Variants in CEP85L observed in about 807,000 individuals in gnomAD.
CEP85L encodes centrosomal protein of 85 kDa-like.
A neutral mutation model predicts 100.3 loss-of-function variants in CEP85L; 60 were observed. The ratio of observed to expected loss-of-function variants is 0.60; its 90% confidence interval spans 0.49 to 0.74. The LOEUF (loss-of-function observed/expected upper bound fraction) is 0.74, where lower values mean the gene tolerates loss of function less well. CEP85L is among the 30% of genes least tolerant of loss of function. CEP85L has a pLI of 0.00. For missense variants in CEP85L, 973 were observed against 936.2 expected (o/e 1.04, Z -0.51); for synonymous variants, 319 against 322.7 (o/e 0.99, Z 0.12).
At chr6:118,500,074 G>A (rs1475011499) in intron 5 of CEP85L, among the ~76,000 whole-genome samples, 1 of 152,170 alleles carries the variant, frequency 6.6e-6, no homozygotes, top group Non-Finnish European at 1.5e-5. Flanking sequence ...GCCAAGGCAG[G>A]AGGATCACTT....
chr6:118,485,131 A>T (rs912201533), intron 6 of CEP85L, among the ~76,000 whole-genome samples: 5 of 152,176 alleles, frequency 3.3e-5, no homozygotes, highest in Admixed American at 2.6e-4. Flanking sequence ...GAAATATATC[A>T]TCTATAAATT....
intron 2 of CEP85L, among the ~76,000 whole-genome samples, chr6:118,574,705 T>C (rs1780114046): frequency 6.6e-6 from 1 of 152,150 alleles, no homozygotes; most frequent in South Asian, 2.1e-4. Flanking sequence ...ACAAGGTAAC[T>C]CTGTGCACAG....
At chr6:118,499,436 C>T (rs541519503) in intron 5 of CEP85L, among the ~76,000 whole-genome samples, 196 of 152,126 alleles carry the variant, frequency 1.3e-3, no homozygotes, top group African/African-American at 4.5e-3. Context: ...GAGGCTGAGG[C>T]GGGTGGATCA....
In CEP85L at chr6:118,560,260, A is replaced by G. The variant is rs540046916; in HGVS notation, c.1020+5269T>C. 9 of 167,188 alleles carry G rather than the reference A, an allele frequency of 5.4e-5. No individual in the cohort carries two copies. The highest frequency in any genetic ancestry group is 8.8e-5 in the Non-Finnish European group (6 of 68,102). The allele number at this position is 167,188 out of a possible 1,614,324, so 10.4% of individuals were successfully genotyped here. A position where few individuals can be genotyped will look rare whatever the true frequency, so the allele number is the denominator to read the frequency against. On this transcript the variant is annotated intron_variant, in intron 3 of 12. Coordinates refer to ENST00000368491, the MANE Select transcript of CEP85L (RefSeq NM_001042475.3). ...ACTACCTAATAGCCTACTATTGACC[A>G]TAAACCTTACTGATAACATAAACAG...
At chr6:118,488,862 C>A (rs1193133992) in intron 6 of CEP85L, among the ~76,000 whole-genome samples, 3 of 152,220 alleles carry the variant, frequency 2.0e-5, no homozygotes. Flanking sequence ...GAGCAGATTT[C>A]TCAGAAGAAA....
chr6:118,510,925 A>C (rs1775928500), intron 5 of CEP85L, among the ~76,000 whole-genome samples: 1 of 152,076 alleles, frequency 6.6e-6, no homozygotes, highest in Non-Finnish European at 1.5e-5. Flanking sequence ...ATAGAGAAAT[A>C]ATCACTGTGT....
At chr6:118,554,952 C>T (rs1423397670) in intron 3 of CEP85L, among the ~76,000 whole-genome samples, 1 of 152,184 alleles carries the variant, frequency 6.6e-6, no homozygotes, top group East Asian at 1.9e-4. Flanking sequence ...CCTGTATATG[C>T]TTCATGATAA....
At chr6:118,491,895 C>T in intron 5 of CEP85L, 30 bp from the exon 6 acceptor site, 1 of 1,536,396 alleles carries the variant, frequency 6.5e-7, no homozygotes. Context: ...GGAGGTAAGA[C>T]TTTAAAAGTT....
intron 1 of CEP85L, among the ~76,000 whole-genome samples, chr6:118,649,992 G>C (rs1775436513): frequency 6.6e-6 from 1 of 152,148 alleles, no homozygotes; most frequent in Non-Finnish European, 1.5e-5. Flanking sequence ...TGATACTAGT[G>C]ACTCGGTCAG....
At chr6:118,553,443 G>C (rs1174187609) in intron 3 of CEP85L, among the ~76,000 whole-genome samples, 1 of 152,100 alleles carries the variant, frequency 6.6e-6, no homozygotes, top group Non-Finnish European at 1.5e-5. Context: ...ACAAATGTTG[G>C]TATTCAGTAG....
At chr6:118,584,614 C>T (rs774108988) in intron 2 of CEP85L, among the ~76,000 whole-genome samples, 3 of 152,138 alleles carry the variant, frequency 2.0e-5, no homozygotes, top group Non-Finnish European at 2.9e-5. Flanking sequence ...GGGAATGGCC[C>T]TGGGAGTATT....
intron 5 of CEP85L, among the ~76,000 whole-genome samples, chr6:118,497,297 A>C (rs1194376698): frequency 6.6e-6 from 1 of 152,148 alleles, no homozygotes; most frequent in Non-Finnish European, 1.5e-5. Flanking sequence ...CCAACATCAT[A>C]TCTTTGTGAA....
chr6:118,590,494 C>T (rs1781124224), intron 2 of CEP85L, among the ~76,000 whole-genome samples: 1 of 152,166 alleles, frequency 6.6e-6, no homozygotes, highest in African/African-American at 2.4e-5. Context: ...TAGCCCCCTG[C>T]ATTTGCATAC....
intron 1 of CEP85L, among the ~76,000 whole-genome samples, chr6:118,668,330 C>G (rs1208154510): frequency 1.3e-5 from 2 of 152,178 alleles, no homozygotes; most frequent in Non-Finnish European, 2.9e-5. Flanking sequence ...TACAAAGGGA[C>G]CTGAAGTCCC....
intron 1 of CEP85L, among the ~76,000 whole-genome samples, chr6:118,677,778 C>T (rs1485331543): frequency 6.6e-6 from 1 of 152,194 alleles, no homozygotes; most frequent in African/African-American, 2.4e-5. Flanking sequence ...CATGATTTTA[C>T]CATGCCCACC....
At chr6:118,465,650 G>T in intron 12 of CEP85L, 82 bp from the exon 13 acceptor site, 1 of 1,302,390 alleles carries the variant, frequency 7.7e-7, no homozygotes, top group Non-Finnish European at 1.1e-6. Flanking sequence ...AATCATCATG[G>T]AAATACAGTG....
chr6:118,684,879 T>C (rs1244835733), intron 1 of CEP85L, among the ~76,000 whole-genome samples: 2 of 152,196 alleles, frequency 1.3e-5, no homozygotes, highest in Non-Finnish European at 2.9e-5. Flanking sequence ...CCTGAACTGC[T>C]GGGCTCAAGT....
intron 4 of CEP85L, among the ~76,000 whole-genome samples, chr6:118,523,044 C>G (rs1430832902): frequency 6.6e-6 from 1 of 152,082 alleles, no homozygotes; most frequent in Non-Finnish European, 1.5e-5. Context: ...AATTTTAAGG[C>G]TAAAACACCT....
intron 10 of CEP85L, among the ~76,000 whole-genome samples, chr6:118,471,760 C>G (rs188099033): frequency 7.1e-6 from 1 of 141,814 alleles, no homozygotes; most frequent in Non-Finnish European, 1.6e-5. Context: ...TTATATTCCA[C>G]AAAAATGAAA....
Sources: allele counts gnomAD v4.1 joint callset (sites outside exome capture counted in the v4.1 genomes callset), GRCh38; gene constraint gnomAD v4.1.1; transcripts MANE v1.5; gene names NCBI Gene and HGNC (gene_info 2026-07-23, HGNC 2026-07-21).